The following MAPK10 variants were observed in gnomAD, a reference collection of about 807,000 sequenced individuals.
MAPK10 encodes JNK3 alpha protein kinase.
MAPK10 carries 25 observed loss-of-function variants against 59.3 expected under a neutral mutation model. The ratio of observed to expected loss-of-function variants is 0.42; its 90% CI spans 0.31 to 0.59. MAPK10 has a LOEUF of 0.59. Among genes scored for constraint, MAPK10 ranks in the 20% least tolerant of loss-of-function variants. The pLI is 0.15. For synonymous variants in MAPK10, 190 were observed against 200.5 expected (o/e 0.95, Z 0.44); for missense variants, 351 against 568.9 (o/e 0.62, Z 3.90).
At chr4:86,108,498 T>C (rs1444397193) in intron 4 of MAPK10, among the ~76,000 whole-genome samples, 1 of 152,162 alleles carries the variant, frequency 6.6e-6, no homozygotes, top group African/African-American at 2.4e-5. Flanking sequence ...GGAATTTCTG[T>C]ACTGTAAGAA....
chr4:86,569,007 A>T (rs1761264103), intron 1 of MAPK10, among the ~76,000 whole-genome samples: 1 of 152,222 alleles, frequency 6.6e-6, no homozygotes, highest in Non-Finnish European at 1.5e-5. Context: ...CGCAGTAAAC[A>T]GACAACCTAC....
intron 1 of MAPK10, among the ~76,000 whole-genome samples, chr4:86,504,313 A>G (rs780306800): frequency 1.9e-4 from 29 of 152,102 alleles, no homozygotes; most frequent in Middle Eastern, 3.2e-3. Context: ...CAGAAATCCT[A>G]TGCTAGCCCA....
intron 1 of MAPK10, among the ~76,000 whole-genome samples, chr4:86,444,937 G>A (rs1184700247): frequency 1.3e-5 from 2 of 152,190 alleles, no homozygotes; most frequent in African/African-American, 4.8e-5. Context: ...TGGCAAGGCT[G>A]TGGAGAAATA....
intron 2 of MAPK10, among the ~76,000 whole-genome samples, chr4:86,303,683 G>T (rs928382291): frequency 2.0e-5 from 3 of 152,102 alleles, no homozygotes; most frequent in African/African-American, 7.2e-5. Context: ...GTTAGAAAAG[G>T]CATGTACTAA....
chr4:86,069,435 T>C (rs2047357076), intron 9 of MAPK10, among the ~76,000 whole-genome samples: 1 of 152,076 alleles, frequency 6.6e-6, no homozygotes, highest in African/African-American at 2.4e-5. Context: ...TGATAGAAGC[T>C]CATCTAATTA....
chr4:86,318,844 A>T (rs1350989280), intron 2 of MAPK10, among the ~76,000 whole-genome samples: 1 of 152,164 alleles, frequency 6.6e-6, no homozygotes, highest in Non-Finnish European at 1.5e-5. Context: ...CAGCCCTGCC[A>T]TTACTAATTG....
At chr4:86,189,875 C>T (rs2079230219) in intron 3 of MAPK10, among the ~76,000 whole-genome samples, 1 of 152,086 alleles carries the variant, frequency 6.6e-6, no homozygotes, top group Non-Finnish European at 1.5e-5. Flanking sequence ...ATGATACTGG[C>T]TGTGGAACTG....
At chr4:86,216,030 T>C (rs1262414232) in intron 2 of MAPK10, among the ~76,000 whole-genome samples, 1 of 151,988 alleles carries the variant, frequency 6.6e-6, no homozygotes, top group Non-Finnish European at 1.5e-5. Context: ...AAATGAAAAT[T>C]AGTACAGCCA....
At chr4:86,558,929 T>C (rs1410530556) in intron 1 of MAPK10, among the ~76,000 whole-genome samples, 1 of 152,106 alleles carries the variant, frequency 6.6e-6, no homozygotes, top group African/African-American at 2.4e-5. Flanking sequence ...CCTAGAAATC[T>C]TGATGGTAAT....
rs538487096 is a variant in MAPK10 at position 86,238,102 on chromosome 4, A to T, written c.-6-43695T>A. ...CCCAGCACCATTTACTGAATAGAAG[A>T]TCCTTTCCCCATTGCTTGTTTTTGT... On this transcript the variant is annotated intron_variant, in intron 2 of 13. Transcript: ENST00000641462. 1.9e-4 allele frequency among the ~76,000 whole-genome samples: 29 copies of T among 152,262 alleles called. No individual in the cohort carries two copies. In the South Asian group the frequency reaches 2.1e-3, roughly 11 times the overall value.
intron 1 of MAPK10, among the ~76,000 whole-genome samples, chr4:86,473,185 A>T (rs1320274771): frequency 1.3e-5 from 2 of 152,242 alleles, no homozygotes; most frequent in Non-Finnish European, 1.5e-5. Flanking sequence ...TGCAAAAATG[A>T]AATTTTTCTA....
chr4:86,511,351 G>A (rs2149083661), intron 1 of MAPK10, among the ~76,000 whole-genome samples: 1 of 152,044 alleles, frequency 6.6e-6, no homozygotes, highest in South Asian at 2.1e-4. Context: ...GAGCTCAGGA[G>A]TTCGAGACCA....
chr4:86,195,242 T>A (rs1441562399), intron 2 of MAPK10, among the ~76,000 whole-genome samples: 1 of 152,200 alleles, frequency 6.6e-6, no homozygotes, highest in Non-Finnish European at 1.5e-5. Flanking sequence ...TAAACACACT[T>A]TGTTGAATGC....
intron 4 of MAPK10, 77 bp downstream of exon 4, chr4:86,159,221 G>A (rs2068768127): frequency 8.8e-7 from 1 of 1,131,548 alleles, no homozygotes; most frequent in Non-Finnish European, 1.2e-6. Flanking sequence ...TGGGGATTTT[G>A]TTTGTTTGTG....
chr4:86,570,483 CA>C lies in MAPK10; in HGVS notation c.-263+23426del, dbSNP rs558737307. Among the ~76,000 whole-genome samples the C allele has an allele frequency of 7.0e-3, 1,042 of 149,384 alleles. 17 individuals are homozygous for C. The highest frequency in any genetic ancestry group is 0.023 in the African/African-American group (959 of 40,820). ...CTCAATATTATAATTTTACTTTTGCCAAAAAAAAATCATGGGAAATTGTTTT... is the reference window on the plus strand; with the variant it reads ...CTCAATATTATAATTTTACTTTTGCCAAAAAAAATCATGGGAAATTGTTTT... On this transcript the variant is annotated intron_variant, in intron 1 of 4. Coordinates refer to the MAPK10 transcript ENST00000502302.
At chr4:86,558,980 T>C (rs920434764) in intron 1 of MAPK10, among the ~76,000 whole-genome samples, 1 of 152,156 alleles carries the variant, frequency 6.6e-6, no homozygotes, top group African/African-American at 2.4e-5. Flanking sequence ...CATGATGGCT[T>C]GTTCAGGCTT....
chr4:86,312,132 C>T (rs968718884), intron 2 of MAPK10, among the ~76,000 whole-genome samples: 1 of 152,078 alleles, frequency 6.6e-6, no homozygotes, highest in African/African-American at 2.4e-5. Context: ...ATTGTCCAAT[C>T]CAATTGAGGC....
intron 4 of MAPK10, among the ~76,000 whole-genome samples, chr4:86,126,121 C>T (rs756336743): frequency 5.9e-5 from 9 of 152,108 alleles, no homozygotes; most frequent in Admixed American, 1.3e-4. Flanking sequence ...CTCCACTAGT[C>T]TGACAACTGA....
intron 9 of MAPK10, among the ~76,000 whole-genome samples, chr4:86,085,035 G>T (rs2149037688): frequency 6.6e-6 from 1 of 152,236 alleles, no homozygotes; most frequent in South Asian, 2.1e-4. Context: ...GGAAAAACTG[G>T]ATATCCACAT....
Sources: allele counts gnomAD v4.1 joint callset (sites outside exome capture counted in the v4.1 genomes callset), GRCh38; gene constraint gnomAD v4.1.1; transcripts MANE v1.5; gene names NCBI Gene and HGNC (gene_info 2026-07-23, HGNC 2026-07-21).